PCNX3: variants seen among roughly 807,000 people sequenced by gnomAD.
The protein encoded by PCNX3 is pecanex-like protein 3.
Under a neutral mutation model 207.2 loss-of-function variants are expected in PCNX3, and 58 were observed. The ratio of observed to expected loss-of-function variants is 0.28; its 90% CI spans 0.23 to 0.35. The LOEUF is 0.35. Among genes scored for constraint, PCNX3 ranks in the 10% least tolerant of loss-of-function variants. The pLI is 1.00. For missense variants in PCNX3, 2,410 were observed against 2,774.4 expected (o/e 0.87, Z 2.95); for synonymous variants, 1,337 against 1,183.5 (o/e 1.13, Z -2.66).
In PCNX3 at chr11:65,627,502, C is replaced by G; in HGVS notation, c.3622C>G (p.Leu1208Val). Residue 1208 changes from leucine to valine, a missense_variant, in exon 22 of 35, where the codon CTG becomes GTG. Around this residue, in one of 8 missense-constraint regions of PCNX3, gnomAD observed 333 missense variants for 386.8 expected, o/e 0.86. Transcript: ENST00000355703. ...QQYLTLAFTV[L>V]LFHFDYPRLS... ...GTACCTGACGTTGGCCTTCACCGTC[C>G]TGCTCTTCCACTTTGACTACCCGCG... The G allele has an allele frequency of 6.2e-7, 1 of 1,613,894 alleles. No individual in the cohort carries two copies. Among genetic ancestry groups the G allele is most frequent in the South Asian group, 1.1e-5 (1 of 91,086 alleles).
At position 65,635,355 on chromosome 11, in the gene PCNX3, C is replaced by T. The variant is rs753317168; in HGVS notation, c.5091C>T (p.Ser1697=). 8.1e-6 allele frequency: 13 copies of T among 1,611,326 alleles called. No individual in the cohort carries two copies. The South Asian group carries it at 1.1e-4, about 14-fold the overall frequency. Residue 1697 remains serine, a synonymous_variant, in exon 31 of 35, where the codon TCC becomes TCT. Coordinates refer to ENST00000355703, the MANE Select transcript of PCNX3 (RefSeq NM_032223.4). This position sits in a 1 kb window ranked among gnomAD's most constrained non-coding sequence, Gnocchi z 9.9. ...GCGCCATCCTCAGCAACACGCCCTCCCTGCTGGCGCTGCGCCATGTCCTGG... is the reference window on the plus strand; with the variant it reads ...GCGCCATCCTCAGCAACACGCCCTCTCTGCTGGCGCTGCGCCATGTCCTGG... ...WRSAILSNTP[S]LLALRHVLDD...
In PCNX3 at chr11:65,624,935, C is replaced by T. The variant is rs749630871; in HGVS notation, c.2838C>T (p.Ser946=). The change falls in exon 16 of 35, where the codon AGC becomes AGT. Residue 946 remains serine, a synonymous_variant. Coordinates refer to ENST00000355703, the MANE Select transcript of PCNX3 (RefSeq NM_032223.4). ...CTCCCTTCCACACAGCTGCCACCAG[C>T]CCGCTCACGGCAGTCTTCAGCCTCT... ...MHGFGGTAAT[S]PLTAVFSLSR... The T allele has an allele frequency of 4.3e-6, 7 of 1,609,720 alleles. No homozygotes were observed. The highest frequency in any genetic ancestry group is 3.3e-5 in the South Asian group (3 of 90,660).
chr11:65,629,911 G>T (rs1200127556), intron 26 of PCNX3, among the ~76,000 whole-genome samples, 176 bp downstream of exon 26: 2 of 152,194 alleles, frequency 1.3e-5, no homozygotes, highest in African/African-American at 2.4e-5. Flanking sequence ...CAATGAGGTG[G>T]CAGGGTCTCT....
intron 1 of PCNX3, among the ~76,000 whole-genome samples, 174 bp from the exon 2 acceptor site, chr11:65,616,650 C>G (rs377389569): frequency 2.6e-5 from 4 of 152,314 alleles, no homozygotes; most frequent in Non-Finnish European, 5.9e-5. Context: ...TACACTTAAT[C>G]TCATCCAGCT....
Position 65,616,407 on chromosome 11 carries a change from C to G in PCNX3, c.96C>G (p.Asn32Lys), listed in dbSNP as rs767169314. The G allele has an allele frequency of 6.2e-7, 1 of 1,610,668 alleles. No homozygotes were observed. Among genetic ancestry groups the G allele is most frequent in the African/African-American group, 1.3e-5 (1 of 74,908 alleles). The change falls in exon 1 of 35, where the codon AAC becomes AAG. Residue 32 changes from asparagine to lysine, a missense_variant. Asn to Lys is a moderately conservative substitution (Grantham distance 94). This residue lies in a region of PCNX3 where 1,104 missense variants were observed against 970.3 expected (regional missense o/e 1.14). Coordinates refer to ENST00000355703, the MANE Select transcript of PCNX3 (RefSeq NM_032223.4). Reference protein sequence around the residue: ...FFDPHQSTFSNCFHLYVWIFL... With the variant: ...FFDPHQSTFSKCFHLYVWIFL... ...ACCCGCACCAGAGCACCTTCTCCAA[C>G]TGCTTCCACCTCTATGTCTGGATCT...
At position 65,624,948 on chromosome 11, in the gene PCNX3, G is replaced by C; in HGVS notation, c.2851G>C (p.Val951Leu). The C allele has an allele frequency of 6.2e-7, 1 of 1,611,748 alleles. No individual in the cohort carries two copies. Among genetic ancestry groups the C allele is most frequent in the African/African-American group, 1.3e-5 (1 of 75,032 alleles). Reference sequence around the variant, plus strand: ...AGCTGCCACCAGCCCGCTCACGGCAGTCTTCAGCCTCTCCCGCAGCCTGCT... The same window carrying C: ...AGCTGCCACCAGCCCGCTCACGGCACTCTTCAGCCTCTCCCGCAGCCTGCT... The part of the protein sequence containing the change: ...GTAATSPLTA[V>L]FSLSRSLLAA... Residue 951 changes from valine (V) to leucine (L), a missense_variant, in exon 16 of 35, where the codon GTC becomes CTC. Transcript: ENST00000355703.
At position 65,616,402 on chromosome 11, in the gene PCNX3, T is replaced by A. The variant is rs751136380; in HGVS notation, c.91T>A (p.Ser31Thr). 1 of 1,610,726 alleles carries A rather than the reference T, an allele frequency of 6.2e-7. No individual in the cohort carries two copies. Among genetic ancestry groups the A allele is most frequent in the Non-Finnish European group, 8.5e-7 (1 of 1,179,494 alleles). Residue 31 changes from serine to threonine, a missense_variant, in exon 1 of 35, where the codon TCC becomes ACC. Ser to Thr is a moderately conservative substitution (Grantham distance 58). Coordinates refer to ENST00000355703, the MANE Select transcript of PCNX3 (RefSeq NM_032223.4). Reference sequence around the variant, plus strand: ...CTTCGACCCGCACCAGAGCACCTTCTCCAACTGCTTCCACCTCTATGTCTG... The same window carrying A: ...CTTCGACCCGCACCAGAGCACCTTCACCAACTGCTTCCACCTCTATGTCTG... ...WFFDPHQSTF[S>T]NCFHLYVWIF...
At chr11:65,624,067 C>G in intron 13 of PCNX3, 106 bp downstream of exon 13, 1 of 1,572,716 alleles carries the variant, frequency 6.4e-7, no homozygotes, top group Middle Eastern at 1.9e-4. Context: ...CTCACCACCC[C>G]CATCACCCCC....
chr11:65,634,460 C>T (rs1344345056), intron 28 of PCNX3, 78 bp from the exon 29 acceptor site: 9 of 1,512,484 alleles, frequency 6.0e-6, no homozygotes, highest in East Asian at 2.4e-5. Flanking sequence ...CCTCCCTTAG[C>T]CTGAGCCCCA....
chr11:65,619,987 C>A, intron 8 of PCNX3, 55 bp downstream of exon 8: 1 of 1,517,750 alleles, frequency 6.6e-7, no homozygotes. Context: ...CCCCAACAGC[C>A]TGAGTCCTCC....
chr11:65,617,358 G>A lies in PCNX3; in HGVS notation c.441+9G>A, dbSNP rs776941585. On this transcript the variant is annotated intron_variant, in intron 3 of 34. Coordinates refer to ENST00000355703, the MANE Select transcript of PCNX3 (RefSeq NM_032223.4). ...GCTTCAACCAGGTCTCGGTGAGTGG[G>A]CCTGGACCTCAGCTTGTCCTCCTGT... is the stretch of plus-strand genomic sequence containing the variant. The A allele has an allele frequency of 5.0e-6, 8 of 1,612,958 alleles. 1 individual carries two copies. The South Asian group carries it at 8.8e-5, about 18-fold the overall frequency.
Position 65,637,192 on chromosome 11 carries a change from A to C in PCNX3, c.*214A>C. 1 of 591,334 alleles carries C rather than the reference A, an allele frequency of 1.7e-6. No homozygotes were observed. The highest frequency in any genetic ancestry group is 3.0e-6 in the Non-Finnish European group (1 of 338,452). The allele number at this position is 591,334 out of a possible 1,614,324, so 36.6% of individuals were successfully genotyped here. A position where few individuals can be genotyped will look rare whatever the true frequency, so the allele number is the denominator to read the frequency against. ...CCAGTCCAGGGCCTGGGCTCCCCAG[A>C]TGGAGGCAGTCAGCCTCCCAGCCAG... On this transcript the variant is annotated 3_prime_UTR_variant, in exon 35 of 35. Coordinates refer to ENST00000355703, the MANE Select transcript of PCNX3 (RefSeq NM_032223.4).
In PCNX3 at chr11:65,620,329, C is replaced by G; in HGVS notation, c.2009-10C>G. 6.2e-7 allele frequency: 1 copy of G among 1,611,176 alleles called. No homozygotes were observed. The highest frequency in any genetic ancestry group is 8.5e-7 in the Non-Finnish European group (1 of 1,178,578). On this transcript the variant is annotated splice_polypyrimidine_tract_variant and intron_variant, in intron 8 of 34. Coordinates refer to ENST00000355703, the MANE Select transcript of PCNX3 (RefSeq NM_032223.4). ...TGCCACGCTGCCTCATCTCCCATAC[C>G]CTGCCCCAGGTGTGCGGCGTTCCTA...
At position 65,620,858 on chromosome 11, in the gene PCNX3, C is replaced by T. The variant is rs1454692484; in HGVS notation, c.2127C>T (p.Phe709=). 1 of 1,591,708 alleles carries T rather than the reference C, an allele frequency of 6.3e-7. No individual in the cohort carries two copies. The highest frequency in any genetic ancestry group is 1.7e-5 in the Admixed American group (1 of 57,712). ...ACCGACACTCGCATTCCTCCAGCTT[C>T]CACTCGGCTGATGTCCCTGAGGCTA... is the stretch of plus-strand genomic sequence containing the variant. ...AWDRHSHSSS[F]HSADVPEATG... is the part of the protein sequence containing the mutation. The change falls in exon 10 of 35, where the codon TTC becomes TTT. Residue 709 remains phenylalanine (F), a synonymous_variant. Coordinates refer to ENST00000355703, the MANE Select transcript of PCNX3 (RefSeq NM_032223.4).
chr11:65,621,233 G>A (rs1759094293), intron 10 of PCNX3, among the ~76,000 whole-genome samples: 1 of 152,198 alleles, frequency 6.6e-6, no homozygotes, highest in Non-Finnish European at 1.5e-5. Flanking sequence ...CAGTGAACAG[G>A]GGCCATGGGT....
chr11:65,617,923 T>G lies in PCNX3; in HGVS notation c.578-17T>G. On this transcript the variant is annotated splice_polypyrimidine_tract_variant and intron_variant, in intron 5 of 34. Transcript: ENST00000355703. ...GAAAACCCTTTTTTCATTTTCTGTT[T>G]CCCTTTATTTTGGCAGTTGGAGACC... 1 of 1,565,374 alleles carries G rather than the reference T, an allele frequency of 6.4e-7. No homozygotes were observed. Among genetic ancestry groups the G allele is most frequent in the Non-Finnish European group, 8.6e-7 (1 of 1,157,812 alleles).
At position 65,616,443 on chromosome 11, in the gene PCNX3, C is replaced by T. The variant is rs377695013; in HGVS notation, c.132C>T (p.Ile44=). 30 of 1,608,758 alleles carry T rather than the reference C, an allele frequency of 1.9e-5. No homozygotes were observed. The highest frequency in any genetic ancestry group is 1.5e-4 in the African/African-American group (11 of 75,014). The change falls in exon 1 of 35, where the codon ATC becomes ATT. Residue 44 remains isoleucine, a synonymous_variant. Coordinates refer to ENST00000355703, the MANE Select transcript of PCNX3 (RefSeq NM_032223.4). ...FHLYVWIFLL[I]FPFLLYMVLP... ...TCTATGTCTGGATCTTCCTGCTCAT[C>T]TTTCCCTTCTTACTGTACATGGTGA...
Position 65,622,546 on chromosome 11 carries a change from G to A in PCNX3, c.2357+180G>A, listed in dbSNP as rs1855163091. Among the ~76,000 whole-genome samples, 3 of 152,148 alleles carry A rather than the reference G, an allele frequency of 2.0e-5. No individual in the cohort carries two copies. In the South Asian group the frequency reaches 6.2e-4, roughly 32 times the overall value. ...CTATGGTTCATTTGTGGTGTAAAGGGGTGGCCAAGTGGGTGGTGCTGTATT... is the reference window on the plus strand; with the variant it reads ...CTATGGTTCATTTGTGGTGTAAAGGAGTGGCCAAGTGGGTGGTGCTGTATT... On this transcript the variant is annotated intron_variant, in intron 11 of 34. Transcript: ENST00000355703.
rs1854803094 is a variant in PCNX3, at chr11:65,617,451, T to G, written c.442-19T>G. 6.2e-7 allele frequency: 1 copy of G among 1,613,832 alleles called. No individual in the cohort carries two copies. Among genetic ancestry groups the G allele is most frequent in the Non-Finnish European group, 8.5e-7 (1 of 1,179,866 alleles). ...ACTTCTTGCCTTGTTTGTTCCTTCA[T>G]GGCTCTCTGTCTACTCAGGAGCTGC... On this transcript the variant is annotated intron_variant, in intron 3 of 34. Transcript: ENST00000355703.
Sources: allele counts gnomAD v4.1 joint callset (sites outside exome capture counted in the v4.1 genomes callset), GRCh38; gene constraint gnomAD v4.1.1; regional missense constraint gnomAD v4.1.1; non-coding constraint Gnocchi (gnomAD v3.1); transcripts MANE v1.5; gene names NCBI Gene and HGNC (gene_info 2026-07-23, HGNC 2026-07-21).